RALYL: variants seen among roughly 807,000 people sequenced by gnomAD.
RALYL encodes RALY RNA binding protein like.
RALYL carries 29 observed loss-of-function variants against 35.1 expected under a neutral mutation model. The observed-to-expected ratio is 0.83, with a 90% confidence interval of 0.61 to 1.13. RALYL has a LOEUF of 1.13. RALYL is among the 50% of genes most tolerant of loss of function. The probability of loss-of-function intolerance (pLI) is 0.00; values close to 1 mark genes in which losing one functional copy is unlikely to be tolerated. For synonymous variants in RALYL, 120 were observed against 127.6 expected (o/e 0.94, Z 0.40); for missense variants, 359 against 360.4 (o/e 1.00, Z 0.03).
chr8:84,747,815 T>G (rs1297855611), intron 2 of RALYL, among the ~76,000 whole-genome samples: 2 of 151,966 alleles, frequency 1.3e-5, no homozygotes, highest in Non-Finnish European at 2.9e-5. Flanking sequence ...CTAAATCATG[T>G]GATAGACATT....
chr8:84,470,725 G>A (rs981509280), intron 1 of RALYL, among the ~76,000 whole-genome samples: 2 of 152,196 alleles, frequency 1.3e-5, no homozygotes, highest in African/African-American at 4.8e-5. Context: ...CAGAATACCA[G>A]TTTGTGTTCC....
intron 2 of RALYL, among the ~76,000 whole-genome samples, chr8:84,598,076 G>A (rs1001898950): frequency 1.3e-5 from 2 of 151,988 alleles, no homozygotes; most frequent in Non-Finnish European, 2.9e-5. Context: ...TTATACTGTT[G>A]CCTTGCACTA....
At chr8:84,402,577 A>G (rs1054286389) in intron 1 of RALYL, among the ~76,000 whole-genome samples, 7 of 152,106 alleles carry the variant, frequency 4.6e-5, no homozygotes, top group African/African-American at 1.4e-4. Flanking sequence ...TGAAGGAATC[A>G]ACACTATTCT....
intron 1 of RALYL, among the ~76,000 whole-genome samples, chr8:84,269,361 T>G (rs1833884754): frequency 1.3e-5 from 2 of 152,162 alleles, no homozygotes; most frequent in Admixed American, 1.3e-4. Context: ...TGGGAGTGAT[T>G]GACAAATGTG....
intron 2 of RALYL, among the ~76,000 whole-genome samples, chr8:84,571,764 C>T (rs1411473414): frequency 6.6e-6 from 1 of 151,656 alleles, no homozygotes; most frequent in Non-Finnish European, 1.5e-5. Context: ...CAACTTTTCT[C>T]TTAGTAGCCC....
At chr8:84,263,878 T>A (rs1832772063) in intron 1 of RALYL, among the ~76,000 whole-genome samples, 1 of 152,192 alleles carries the variant, frequency 6.6e-6, no homozygotes, top group Admixed American at 6.5e-5. Flanking sequence ...GGTTTTCTAT[T>A]CCTGCATTAG....
In RALYL at chr8:84,565,272, A is replaced by G. The variant is rs377245842; in HGVS notation, c.256+35695A>G. On this transcript the variant is annotated intron_variant, in intron 2 of 8. Coordinates refer to ENST00000521268, the MANE Select transcript of RALYL (RefSeq NM_173848.7). ...TAAATTTACCAAACTATGTGTTTTC[A>G]TAGCCATTTTCTCTTATGTTGCCCA... Among the ~76,000 whole-genome samples, 12 of 151,696 alleles carry G rather than the reference A, an allele frequency of 7.9e-5. No homozygotes were observed. In the South Asian group the frequency reaches 8.3e-4, roughly 10 times the overall value.
intron 1 of RALYL, among the ~76,000 whole-genome samples, chr8:84,449,632 G>T (rs2049234897): frequency 6.6e-6 from 1 of 151,932 alleles, no homozygotes; most frequent in South Asian, 2.1e-4. Flanking sequence ...GCCTCTTGAA[G>T]CTAAGGTTCA....
chr8:84,750,365 T>C (rs989890127), intron 2 of RALYL, among the ~76,000 whole-genome samples: 3 of 152,124 alleles, frequency 2.0e-5, no homozygotes, highest in African/African-American at 7.2e-5. Context: ...TATCTAAGAA[T>C]GATGTGGTAA....
intron 2 of RALYL, among the ~76,000 whole-genome samples, chr8:84,695,092 G>C (rs185755354): frequency 6.6e-6 from 1 of 151,584 alleles, no homozygotes; most frequent in Non-Finnish European, 1.5e-5. Context: ...GCCTTGATTT[G>C]GTATTTTTAT....
chr8:84,280,998 A>T (rs1836432901), intron 1 of RALYL, among the ~76,000 whole-genome samples: 1 of 152,094 alleles, frequency 6.6e-6, no homozygotes, highest in Non-Finnish European at 1.5e-5. Context: ...TTGCATAGGG[A>T]GGAGGTGCAT....
intron 2 of RALYL, among the ~76,000 whole-genome samples, chr8:84,549,042 C>CA (rs752611699): frequency 6.6e-6 from 1 of 152,126 alleles, no homozygotes; most frequent in Non-Finnish European, 1.5e-5. Flanking sequence ...CTACTACATC[C>CA]AAAGGGAGTA....
intron 7 of RALYL, among the ~76,000 whole-genome samples, chr8:84,885,988 A>G (rs1842868886): frequency 6.6e-6 from 1 of 152,200 alleles, no homozygotes; most frequent in African/African-American, 2.4e-5. Context: ...TAATGTGCTT[A>G]AAGGACCTGC....
At chr8:84,228,954 A>T (rs1824655655) in intron 1 of RALYL, among the ~76,000 whole-genome samples, 1 of 152,192 alleles carries the variant, frequency 6.6e-6, no homozygotes, top group Admixed American at 6.5e-5. Flanking sequence ...GGGTATTATT[A>T]CAATTCAAGG....
intron 1 of RALYL, among the ~76,000 whole-genome samples, chr8:84,423,546 T>C (rs1413346459): frequency 7.2e-5 from 11 of 152,218 alleles, no homozygotes; most frequent in Admixed American, 2.0e-4. Flanking sequence ...TTAGTCCATT[T>C]ATATTTAAAT....
At chr8:84,745,762 T>C (rs964228329) in intron 2 of RALYL, among the ~76,000 whole-genome samples, 2 of 152,104 alleles carry the variant, frequency 1.3e-5, no homozygotes, top group Non-Finnish European at 2.9e-5. Flanking sequence ...ACCTAATGTG[T>C]ATAGATCTCA....
At position 84,187,422 on chromosome 8, in the gene RALYL, A is replaced by G. The variant is rs192263261; in HGVS notation, c.-24+2998A>G. ...TAACAGTTAATTATTTTTCATATTTATTTTTTATGGTCATAATCAAGTAAC... is the reference window on the plus strand; with the variant it reads ...TAACAGTTAATTATTTTTCATATTTGTTTTTTATGGTCATAATCAAGTAAC... On this transcript the variant is annotated intron_variant, in intron 1 of 8. Coordinates refer to ENST00000521268, the MANE Select transcript of RALYL (RefSeq NM_173848.7). 1.7e-3 allele frequency among the ~76,000 whole-genome samples: 263 copies of G among 152,162 alleles called. 1 individual carries two copies. The highest frequency in any genetic ancestry group is 3.8e-3 in the Admixed American group (58 of 15,284).
At chr8:84,603,739 A>T (rs1299607564) in intron 2 of RALYL, among the ~76,000 whole-genome samples, 1 of 152,158 alleles carries the variant, frequency 6.6e-6, no homozygotes, top group Non-Finnish European at 1.5e-5. Flanking sequence ...ATTTAATCTG[A>T]CATACATGGA....
At chr8:84,679,390 T>C (rs1250270865) in intron 2 of RALYL, 1 of 267,686 alleles carries the variant, frequency 3.7e-6, no homozygotes, top group Admixed American at 4.5e-5. Context: ...GAGAGATTTG[T>C]TAACCTTGGC....
Sources: allele counts gnomAD v4.1 joint callset (sites outside exome capture counted in the v4.1 genomes callset), GRCh38; gene constraint gnomAD v4.1.1; transcripts MANE v1.5; gene names NCBI Gene and HGNC (gene_info 2026-07-23, HGNC 2026-07-21).